The following STXBP5L variants were observed in gnomAD, a reference collection of about 807,000 sequenced individuals.
STXBP5L encodes syntaxin binding protein 5L.
STXBP5L carries 65 observed loss-of-function variants against 144.5 expected under a neutral mutation model. The observed-to-expected ratio is 0.45, with a 90% CI of 0.37 to 0.55. The LOEUF (loss-of-function observed/expected upper bound fraction) is 0.55, where lower values mean the gene tolerates loss of function less well. Ranked by LOEUF, STXBP5L falls within the 20% of genes least tolerant of loss-of-function variation. The pLI is 0.00. For missense variants in STXBP5L, 1,298 were observed against 1,405.5 expected (o/e 0.92, Z 1.22); for synonymous variants, 505 against 469.6 (o/e 1.08, Z -0.97).
intron 5 of STXBP5L, among the ~76,000 whole-genome samples, chr3:121,057,019 T>A (rs892096634): frequency 6.6e-6 from 1 of 150,676 alleles, no homozygotes; most frequent in African/African-American, 2.4e-5. Flanking sequence ...ACACAATATA[T>A]TGTTAAACAA....
chr3:121,040,580 C>T (rs1199075262), intron 3 of STXBP5L, among the ~76,000 whole-genome samples: 1 of 152,034 alleles, frequency 6.6e-6, no homozygotes, highest in Non-Finnish European at 1.5e-5. Context: ...GAGGAAGACC[C>T]TTCTGCAAAT....
chr3:121,154,707 T>C lies in STXBP5L; in HGVS notation c.753+2147T>C, dbSNP rs1482005945. 3.9e-5 allele frequency among the ~76,000 whole-genome samples: 6 copies of C among 151,958 alleles called. No homozygotes were observed. The East Asian group carries it at 1.2e-3, about 29-fold the overall frequency. ...TATATCTGTAGCCTTTACCTCCCTCTTGAACTCTAGATCTAAATATCTAAC... is the reference window on the plus strand; with the variant it reads ...TATATCTGTAGCCTTTACCTCCCTCCTGAACTCTAGATCTAAATATCTAAC... On this transcript the variant is annotated intron_variant, in intron 8 of 26. Transcript: ENST00000471454.
chr3:121,000,374 G>C (rs534240576), intron 3 of STXBP5L, among the ~76,000 whole-genome samples: 13 of 151,918 alleles, frequency 8.6e-5, no homozygotes, highest in Non-Finnish European at 1.9e-4. Context: ...GAGTTCTGAG[G>C]CTCTTTCCTG....
intron 3 of STXBP5L, among the ~76,000 whole-genome samples, chr3:121,004,194 C>T (rs1944051181): frequency 6.6e-6 from 1 of 152,062 alleles, no homozygotes. Flanking sequence ...ATGGAATGTT[C>T]TTCCATTTGT....
At chr3:121,091,220 A>G (rs2042773360) in intron 5 of STXBP5L, among the ~76,000 whole-genome samples, 1 of 146,878 alleles carries the variant, frequency 6.8e-6, no homozygotes, top group African/African-American at 2.6e-5. Context: ...GCTATTGTGA[A>G]TAGTGCCACA....
rs35656223 is a variant in STXBP5L, at chr3:120,984,632, C to CTTTTTTTTTTTTTTTTTTTTTTTTT, written c.287+29617_287+29618insTTTTTTTTTTTTTTTTTTTTTTTTT. Among the ~76,000 whole-genome samples the CTTTTTTTTTTTTTTTTTTTTTTTTT allele has an allele frequency of 2.5e-4, 18 of 71,960 alleles. 1 individual carries two copies. Among genetic ancestry groups the CTTTTTTTTTTTTTTTTTTTTTTTTT allele is most frequent in the Admixed American group, 4.4e-4 (2 of 4,558 alleles). The allele number at this position is 71,960 out of a possible 152,430, so 47.2% of individuals were successfully genotyped here. On this transcript the variant is annotated intron_variant, in intron 3 of 26. Transcript: ENST00000471454. ...TGGATGCCTTTCATTTCTTTCTTTC[C>CTTTTTTTTTTTTTTTTTTTTTTTTT]TTTTTTTTTTTTTTTTTTTTTTGCC...
chr3:120,946,792 C>G (rs1710880303), intron 2 of STXBP5L, among the ~76,000 whole-genome samples: 1 of 151,630 alleles, frequency 6.6e-6, no homozygotes, highest in South Asian at 2.1e-4. Context: ...TTTTTGGTAG[C>G]TGGGTTCTGG....
intron 10 of STXBP5L, among the ~76,000 whole-genome samples, chr3:121,206,569 G>A (rs1024880403): frequency 1.3e-5 from 2 of 152,154 alleles, no homozygotes; most frequent in African/African-American, 4.8e-5. Flanking sequence ...CAGCACTTTG[G>A]GAGGCTAAGG....
intron 3 of STXBP5L, among the ~76,000 whole-genome samples, chr3:121,000,192 C>T (rs75448171): frequency 0.11 from 17,013 of 152,128 alleles, 1,045 homozygotes; most frequent in Non-Finnish European, 0.14. Flanking sequence ...GAAGAAAATC[C>T]TCAAATATGT....
chr3:121,353,079 T>C (rs918548518), intron 20 of STXBP5L, among the ~76,000 whole-genome samples: 3 of 152,174 alleles, frequency 2.0e-5, no homozygotes, highest in African/African-American at 7.2e-5. Flanking sequence ...CTGGATTCGG[T>C]TTGCCAGTAT....
Position 121,164,831 on chromosome 3 carries a change from T to A in STXBP5L, c.877+7204T>A, listed in dbSNP as rs184177133. ...ATTGTCTCACATGTGAAATTTTTTT[T>A]AAAAAGTCAAATATACTGAGAGAAT... On this transcript the variant is annotated intron_variant, in intron 9 of 26. Transcript: ENST00000471454. 2.1e-3 allele frequency among the ~76,000 whole-genome samples: 322 copies of A among 152,186 alleles called. 3 individuals carry two copies. The highest frequency in any genetic ancestry group is 6.8e-3 in the Middle Eastern group (2 of 294).
chr3:120,937,408 T>C (rs1326615025), intron 2 of STXBP5L, among the ~76,000 whole-genome samples: 2 of 152,008 alleles, frequency 1.3e-5, no homozygotes, highest in African/African-American at 2.4e-5. Flanking sequence ...TTTTTAACTC[T>C]CAAACTTGTT....
At position 121,169,705 on chromosome 3, in the gene STXBP5L, T is replaced by TA. The variant is rs2046636217; in HGVS notation, c.877+12079dup. The stretch of plus-strand genomic sequence containing the variant: ...CACCCAGATTCATAAAGCAAGTTCT[T>TA]AGAGACCTACAATAAGACTTAGGCC... On this transcript the variant is annotated intron_variant, in intron 9 of 26. Coordinates refer to ENST00000471454, the MANE Select transcript of STXBP5L (RefSeq NM_001308330.2). 2.6e-5 allele frequency among the ~76,000 whole-genome samples: 4 copies of TA among 152,158 alleles called. No homozygotes were observed. In the South Asian group the frequency reaches 8.3e-4, roughly 32 times the overall value.
chr3:121,008,374 C>T (rs368111411), intron 3 of STXBP5L, among the ~76,000 whole-genome samples: 37 of 151,920 alleles, frequency 2.4e-4, no homozygotes, highest in African/African-American at 8.9e-4. Context: ...TAGAAGCATT[C>T]CCTCCCCTGG....
intron 3 of STXBP5L, among the ~76,000 whole-genome samples, chr3:120,995,006 G>A (rs1452500192): frequency 6.6e-6 from 1 of 151,888 alleles, no homozygotes; most frequent in South Asian, 2.1e-4. Context: ...ATTTTGGGAG[G>A]TTTTATGTAA....
chr3:121,308,692 A>T (rs1577416872), intron 19 of STXBP5L, among the ~76,000 whole-genome samples: 1 of 152,188 alleles, frequency 6.6e-6, no homozygotes, highest in African/African-American at 2.4e-5. Flanking sequence ...ACCAGAACAA[A>T]TAAAGAGAAT....
intron 3 of STXBP5L, among the ~76,000 whole-genome samples, chr3:120,990,964 G>A (rs1942794709): frequency 1.3e-5 from 2 of 152,280 alleles, no homozygotes; most frequent in Admixed American, 1.3e-4. Context: ...GGCAACAAAA[G>A]CCAAAACTGA....
intron 5 of STXBP5L, among the ~76,000 whole-genome samples, chr3:121,093,479 C>T (rs866642490): frequency 4.6e-5 from 7 of 152,200 alleles, no homozygotes; most frequent in African/African-American, 1.7e-4. Context: ...AGAGATTCAA[C>T]TTCTTCCTGG....
chr3:121,353,350 C>A (rs2045376656), intron 20 of STXBP5L, among the ~76,000 whole-genome samples: 1 of 152,154 alleles, frequency 6.6e-6, no homozygotes, highest in Non-Finnish European at 1.5e-5. Flanking sequence ...ATTATCACAT[C>A]AGTTTCAGAG....
Sources: gnomAD v4.1 joint callset for allele counts (sites outside exome capture counted in the v4.1 genomes callset) on GRCh38, gnomAD v4.1.1 for gene constraint, MANE v1.5 for transcripts, NCBI Gene and HGNC (gene_info 2026-07-23, HGNC 2026-07-21) for gene names.